FRMD4B: variants seen among roughly 807,000 people sequenced by gnomAD.
FRMD4B encodes FERM domain-containing protein 4B.
In FRMD4B, 74 loss-of-function variants were observed where a neutral mutation model predicts 141.5. That is an observed-to-expected ratio of 0.52 (90% CI 0.43 to 0.63). The LOEUF is 0.63. Among genes scored for constraint, FRMD4B ranks in the 30% least tolerant of loss-of-function variants. The pLI is 0.00. For missense variants in FRMD4B, 1,366 were observed against 1,253.4 expected (o/e 1.09, Z -1.36); for synonymous variants, 506 against 467.9 (o/e 1.08, Z -1.05).
chr3:69,372,697 T>C (rs6549211), intron 1 of FRMD4B, among the ~76,000 whole-genome samples: 150,137 of 152,282 alleles, frequency 0.99, 74,053 homozygotes, highest in East Asian at 1. Context: ...AAACAAACAA[T>C]AAATGATGAT....
chr3:69,343,581 T>TTG (rs796367308), intron 1 of FRMD4B, among the ~76,000 whole-genome samples: 14 of 67,906 alleles, frequency 2.1e-4, no homozygotes, highest in Admixed American at 2.8e-4. Flanking sequence ...TTTTTTGTTT[T>TTG]TTTTTTTTTT....
At chr3:69,193,598 T>C (rs1475254366) in intron 17 of FRMD4B, 50 bp downstream of exon 17, 2 of 967,282 alleles carry the variant, frequency 2.1e-6, no homozygotes, top group Admixed American at 2.3e-5. Context: ...CTATATACCA[T>C]GAAGTACTGA....
intron 1 of FRMD4B, among the ~76,000 whole-genome samples, chr3:69,356,056 A>G (rs932911975): frequency 1.3e-5 from 2 of 152,074 alleles, no homozygotes; most frequent in African/African-American, 2.4e-5. Context: ...AGGAAACAGG[A>G]TCCCCGCTTT....
intron 1 of FRMD4B, among the ~76,000 whole-genome samples, chr3:69,353,238 T>A (rs1007051120): frequency 6.6e-5 from 10 of 152,234 alleles, no homozygotes; most frequent in Non-Finnish European, 1.5e-4. Flanking sequence ...AAAGATAGCA[T>A]TAAAACAATG....
intron 11 of FRMD4B, chr3:69,199,386 T>G (rs1407804690): frequency 6.6e-6 from 1 of 152,258 alleles, no homozygotes; most frequent in Non-Finnish European, 1.5e-5. Context: ...TAAGGAAATC[T>G]GCACAGATTC....
intron 1 of FRMD4B, among the ~76,000 whole-genome samples, chr3:69,538,826 G>GA (rs1047854742): frequency 1.8e-4 from 27 of 150,912 alleles, no homozygotes; most frequent in African/African-American, 5.3e-4. Flanking sequence ...CAGAAGAGGA[G>GA]AAAAAAAAAT....
intron 1 of FRMD4B, among the ~76,000 whole-genome samples, chr3:69,485,269 G>C (rs1451896553): frequency 6.6e-6 from 1 of 152,220 alleles, no homozygotes. Flanking sequence ...GTCGGGGGAG[G>C]CCAGGCAGCT....
intron 7 of FRMD4B, among the ~76,000 whole-genome samples, chr3:69,246,183 C>T (rs1256016704): frequency 2.0e-5 from 3 of 152,096 alleles, no homozygotes; most frequent in Admixed American, 6.5e-5. Flanking sequence ...AGGCAGGGTG[C>T]GATGGCTTGC....
intron 1 of FRMD4B, among the ~76,000 whole-genome samples, chr3:69,526,660 C>T (rs920626800): frequency 5.3e-5 from 8 of 152,142 alleles, no homozygotes; most frequent in Admixed American, 2.6e-4. Flanking sequence ...CCAATTATAC[C>T]TACCTTGCAG....
At position 69,472,925 on chromosome 3, in the gene FRMD4B, C is replaced by CTTTTTT. The variant is rs796453101; in HGVS notation, c.-128-40170_-128-40165dup. Among the ~76,000 whole-genome samples, 328 of 90,818 alleles carry CTTTTTT rather than the reference C, an allele frequency of 3.6e-3. 18 individuals are homozygous for CTTTTTT. The highest frequency in any genetic ancestry group is 0.022 in the Middle Eastern group (3 of 134). 59.6% of individuals were successfully genotyped at this position (90,818 alleles called of 152,430 possible). ...TATCCAAGGCTTCAAGTGAGTCTTTCTTTTTTTTTTTTCTTTTTTTTTTTT... is the reference window on the plus strand; with the variant it reads ...TATCCAAGGCTTCAAGTGAGTCTTTCTTTTTTTTTTTTTTTTTTCTTTTTTTTTTTT... On this transcript the variant is annotated intron_variant, in intron 1 of 5. Coordinates refer to the FRMD4B transcript ENST00000459638.
intron 1 of FRMD4B, among the ~76,000 whole-genome samples, chr3:69,507,214 A>G (rs776658599): frequency 2.0e-5 from 3 of 152,210 alleles, no homozygotes; most frequent in Non-Finnish European, 4.4e-5. Flanking sequence ...AATAGGCAGT[A>G]TATACAGACA....
chr3:69,334,388 C>A (rs986393379), intron 1 of FRMD4B: 2 of 148,554 alleles, frequency 1.3e-5, no homozygotes, highest in Admixed American at 1.4e-4. Flanking sequence ...AATCCCAGGA[C>A]TTTGGGAGGC....
In FRMD4B at chr3:69,241,802, G is replaced by A. The variant is rs1476868342; in HGVS notation, c.581+7424C>T. Among the ~76,000 whole-genome samples, 5 of 152,062 alleles carry A rather than the reference G, an allele frequency of 3.3e-5. No individual in the cohort carries two copies. The East Asian group carries it at 9.6e-4, about 29-fold the overall frequency. On this transcript the variant is annotated intron_variant, in intron 7 of 22. Transcript: ENST00000398540. ...AAGAATTGCTTGAACCCAGGAGGCG[G>A]AGTTTGCAGTGAGCTGCGATTGCAC... is the stretch of plus-strand genomic sequence containing the variant.
At chr3:69,236,235 T>G (rs2093345038) in intron 7 of FRMD4B, among the ~76,000 whole-genome samples, 5 of 151,590 alleles carry the variant, frequency 3.3e-5, no homozygotes, top group Admixed American at 3.3e-4. Flanking sequence ...TTGGTTTTTT[T>G]TTTTTTTTTC....
chr3:69,342,399 A>C (rs550921972), intron 1 of FRMD4B, among the ~76,000 whole-genome samples: 23 of 152,326 alleles, frequency 1.5e-4, no homozygotes, highest in African/African-American at 5.5e-4. Context: ...GAGAGATTCA[A>C]ATGTGGGCTA....
chr3:69,482,025 C>T (rs1416431748), intron 1 of FRMD4B, among the ~76,000 whole-genome samples: 1 of 152,134 alleles, frequency 6.6e-6, no homozygotes, highest in Non-Finnish European at 1.5e-5. Flanking sequence ...GCTAAAGCTG[C>T]AACTAATTGA....
Position 69,366,275 on chromosome 3 carries a change from AAACAAAAAC to A in FRMD4B, c.162+19544_162+19552del, listed in dbSNP as rs1237602145. Among the ~76,000 whole-genome samples the A allele has an allele frequency of 2.9e-3, 417 of 142,714 alleles. 10 individuals are homozygous for A. The highest frequency in any genetic ancestry group is 8.5e-3 in the African/African-American group (299 of 35,020). The allele number at this position is 142,714 out of a possible 152,430, so 93.6% of individuals were successfully genotyped here. Reference sequence around the variant, plus strand: ...GCTCTGTCTCAAAAAACAAAAACAAAAACAAAAACAAAAAAAATTGACAACAACTTAATG... The same window carrying A: ...GCTCTGTCTCAAAAAACAAAAACAAAAAAAAAAATTGACAACAACTTAATG... On this transcript the variant is annotated intron_variant, in intron 1 of 22. Transcript: ENST00000398540.
At chr3:69,322,977 A>T in intron 1 of FRMD4B, 5 of 912,274 alleles carry the variant, frequency 5.5e-6, no homozygotes, top group Non-Finnish European at 6.5e-6. Context: ...GTAGAATCTC[A>T]GGTTCCATCA....
chr3:69,485,210 G>A (rs1200707140), intron 1 of FRMD4B, among the ~76,000 whole-genome samples: 1 of 152,228 alleles, frequency 6.6e-6, no homozygotes, highest in Non-Finnish European at 1.5e-5. Context: ...CTGTGACAGT[G>A]GCTGGGCTTG....
Sources: gnomAD v4.1 joint callset for allele counts (sites outside exome capture counted in the v4.1 genomes callset) on GRCh38, gnomAD v4.1.1 for gene constraint, MANE v1.5 for transcripts, NCBI Gene and HGNC (gene_info 2026-07-23, HGNC 2026-07-21) for gene names.